The following WSCD2 variants were observed in gnomAD, a reference collection of about 807,000 sequenced individuals.
The protein encoded by WSCD2 is WSC domain sialate O sulfotransferase 2.
WSCD2 carries 28 observed loss-of-function variants against 55.7 expected under a neutral mutation model. The ratio of observed to expected loss-of-function variants is 0.50; its 90% confidence interval spans 0.37 to 0.69. The LOEUF is 0.69. Ranked by LOEUF, WSCD2 falls within the 30% of genes least tolerant of loss-of-function variation. WSCD2 has a pLI of 0.00. For missense variants in WSCD2, 616 were observed against 762.1 expected, an observed-to-expected ratio of 0.81 and a Z score of 2.26; for synonymous variants, 301 against 301.9, an observed-to-expected ratio of 1.00 and a Z score of 0.03.
At chr12:108,147,735 C>T (rs1364637821) in intron 1 of WSCD2, among the ~76,000 whole-genome samples, 4 of 151,840 alleles carry the variant, frequency 2.6e-5, no homozygotes, top group African/African-American at 9.7e-5. Context: ...AGAAATTAGC[C>T]GGGTGTGGTG....
chr12:108,226,800 T>C (rs1442995874), intron 5 of WSCD2, among the ~76,000 whole-genome samples, 190 bp from the exon 6 acceptor site: 3 of 152,194 alleles, frequency 2.0e-5, no homozygotes, highest in African/African-American at 4.8e-5. Flanking sequence ...TAAACAATAG[T>C]ACAGTAGGTG....
At chr12:108,131,641 C>T (rs1164990799) in intron 1 of WSCD2, 1 of 152,302 alleles carries the variant, frequency 6.6e-6, no homozygotes. Flanking sequence ...GTGCTGTTTT[C>T]CCCAGGGAGG....
In WSCD2 at chr12:108,222,398, C is replaced by T. The variant is rs954558438; in HGVS notation, c.683-2341C>T. 4.6e-5 allele frequency among the ~76,000 whole-genome samples: 7 copies of T among 152,184 alleles called. No individual in the cohort carries two copies. The East Asian group carries it at 7.7e-4, about 17-fold the overall frequency. On this transcript the variant is annotated intron_variant, in intron 4 of 8. Coordinates refer to ENST00000547525, the MANE Select transcript of WSCD2 (RefSeq NM_014653.4). ...CTCTCATCTGTAAAATGAGAGTTTA[C>T]AATGAACCTTGCAGGATTTTCAAGA...
At position 108,221,232 on chromosome 12, in the gene WSCD2, G is replaced by A. The variant is rs186885240; in HGVS notation, c.683-3507G>A. 1.7e-3 allele frequency among the ~76,000 whole-genome samples: 264 copies of A among 152,186 alleles called. 1 individual carries two copies. The highest frequency in any genetic ancestry group is 3.4e-3 in the Middle Eastern group (1 of 294). On this transcript the variant is annotated intron_variant, in intron 4 of 8. Transcript: ENST00000547525. ...TCATCCACAGTGCTTGGGACTTCCC[G>A]CCTCATTGCCATAAATCTTTAGCTC...
chr12:108,149,969 A>G (rs1555223114), intron 1 of WSCD2: 2 of 152,176 alleles, frequency 1.3e-5, no homozygotes, highest in Non-Finnish European at 2.9e-5. Flanking sequence ...AGGTCGGGCA[A>G]TTTGACTTTG....
chr12:108,138,396 G>A (rs1876443551), intron 1 of WSCD2, among the ~76,000 whole-genome samples: 1 of 152,168 alleles, frequency 6.6e-6, no homozygotes, highest in Non-Finnish European at 1.5e-5. Context: ...TGGGCTTTGG[G>A]ATTGAACAGG....
At chr12:108,148,554 C>T (rs569075630) in intron 1 of WSCD2, among the ~76,000 whole-genome samples, 1 of 152,234 alleles carries the variant, frequency 6.6e-6, no homozygotes, top group South Asian at 2.1e-4. Context: ...GGTGATCATT[C>T]TCATCCACTT....
At chr12:108,211,503 C>G (rs1402349660) in intron 4 of WSCD2, among the ~76,000 whole-genome samples, 1 of 151,970 alleles carries the variant, frequency 6.6e-6, no homozygotes, top group Non-Finnish European at 1.5e-5. Context: ...TCCTGCCCAC[C>G]CGGGTGGCTT....
intron 1 of WSCD2, chr12:108,167,300 T>C (rs1204936630): frequency 6.6e-6 from 1 of 152,230 alleles, no homozygotes; most frequent in Non-Finnish European, 1.5e-5. Context: ...GAGGAAGTCA[T>C]AGGCTGCATT....
intron 1 of WSCD2, among the ~76,000 whole-genome samples, chr12:108,188,044 CTGAT>C (rs1482212827): frequency 1.5e-4 from 23 of 152,166 alleles, no homozygotes; most frequent in African/African-American, 5.6e-4. Flanking sequence ...TATGCTCCCT[CTGAT>C]TTTTTTATTT....
chr12:108,231,557 C>A (rs1385130218), intron 6 of WSCD2, among the ~76,000 whole-genome samples: 1 of 152,214 alleles, frequency 6.6e-6, no homozygotes, highest in African/African-American at 2.4e-5. Context: ...AAAATAATAT[C>A]TATGCCTTTT....
At chr12:108,237,130 G>A (rs1212951869) in intron 7 of WSCD2, among the ~76,000 whole-genome samples, 2 of 152,224 alleles carry the variant, frequency 1.3e-5, no homozygotes, top group Admixed American at 6.5e-5. Flanking sequence ...GTCCATGCCT[G>A]GAGCCAAGAT....
At chr12:108,179,944 G>A (rs1053106821) in intron 1 of WSCD2, among the ~76,000 whole-genome samples, 1 of 151,760 alleles carries the variant, frequency 6.6e-6, no homozygotes, top group Non-Finnish European at 1.5e-5. Context: ...TTGGGAGGCT[G>A]AGGCAGGAGA....
intron 4 of WSCD2, among the ~76,000 whole-genome samples, chr12:108,216,108 A>G (rs1426359): frequency 0.9 from 136,530 of 152,202 alleles, 61,334 homozygotes; most frequent in African/African-American, 0.93. Flanking sequence ...GTTAAAATTG[A>G]GCAGATCTTC....
At chr12:108,220,891 A>C (rs781201551) in intron 4 of WSCD2, among the ~76,000 whole-genome samples, 2 of 152,112 alleles carry the variant, frequency 1.3e-5, no homozygotes, top group African/African-American at 2.4e-5. Context: ...TTATTGGAAG[A>C]AGCACAGGCT....
At chr12:108,229,553 A>G (rs1011548440) in intron 6 of WSCD2, among the ~76,000 whole-genome samples, 1 of 152,240 alleles carries the variant, frequency 6.6e-6, no homozygotes, top group African/African-American at 2.4e-5. Context: ...GCCCTGTTTT[A>G]TAGGTGAGGA....
chr12:108,206,143 T>C, intron 2 of WSCD2, 146 bp from the exon 3 acceptor site: 1 of 687,488 alleles, frequency 1.5e-6, no homozygotes, highest in East Asian at 2.7e-5. Context: ...ACAAATGACT[T>C]TCACTCTCTC....
chr12:108,248,985 C>G lies in WSCD2; in HGVS notation c.*642C>G. On this transcript the variant is annotated 3_prime_UTR_variant, in exon 9 of 9. Transcript: ENST00000547525. The surrounding 1 kb of genome is among the most constrained non-coding windows in gnomAD (Gnocchi z 4.3). ...TGTGGGGCCATTGGTGTTATGAGCC[C>G]CCCAGGCCACACTGCTTCTCAGAAA... The G allele has an allele frequency of 1.1e-6, 1 of 901,286 alleles. No individual in the cohort carries two copies. Among genetic ancestry groups the G allele is most frequent in the Non-Finnish European group, 1.3e-6 (1 of 752,862 alleles). The allele number at this position is 901,286 out of a possible 1,614,324, so 55.8% of individuals were successfully genotyped here.
At chr12:108,136,334 G>GTCCCTTCCCCCCTTTGGGCCTCAGTT (rs60951316) in intron 1 of WSCD2, among the ~76,000 whole-genome samples, 1 of 151,736 alleles carries the variant, frequency 6.6e-6, no homozygotes, top group Admixed American at 6.6e-5. Context: ...CCTTTAGCAA[G>GTCCCTTCCCCCCTTTGGGCCTCAGTT]TCCCATCTAT....
Sources: gnomAD v4.1 joint callset for allele counts (sites outside exome capture counted in the v4.1 genomes callset) on GRCh38, gnomAD v4.1.1 for gene constraint, Gnocchi (gnomAD v3.1) non-coding constraint, MANE v1.5 for transcripts, NCBI Gene and HGNC (gene_info 2026-07-23, HGNC 2026-07-21) for gene names.